MOCS1: variants seen among roughly 807,000 people sequenced by gnomAD.
The protein encoded by MOCS1 is molybdenum cofactor synthesis 1.
MOCS1 carries 39 observed loss-of-function variants against 57.6 expected under a neutral mutation model. The ratio of observed to expected loss-of-function variants is 0.68; its 90% CI spans 0.52 to 0.88. MOCS1 has a LOEUF of 0.88. Ranked by LOEUF, MOCS1 falls within the 40% of genes least tolerant of loss-of-function variation. The probability of loss-of-function intolerance (pLI) is 0.00; values close to 1 mark genes in which losing one functional copy is unlikely to be tolerated. For missense variants in MOCS1, 795 were observed against 831.1 expected (o/e 0.96, Z 0.53); for synonymous variants, 334 against 335.7 (o/e 1.00, Z 0.05).
rs1228834062 is a variant in MOCS1 at position 39,906,367 on chromosome 6, T to C, written c.1901A>G (p.His634Arg). 2 of 1,596,530 alleles carry C rather than the reference T, an allele frequency of 1.3e-6. No individual in the cohort carries two copies. Among genetic ancestry groups the C allele is most frequent in the East Asian group, 4.5e-5 (2 of 44,490 alleles). ...TGAGAAGGGCAGGTGCTAAGCCCGA[T>C]GGAAGTCCCCCCGCTGACCACCAGT... Reference protein sequence around the residue: ...SKTGGQRGDFHRA With the variant: ...SKTGGQRGDFRRA The change falls in exon 11 of 11, where the codon CAT becomes CGT. Residue 634 changes from histidine to arginine, a missense_variant. Physicochemically the swap from His to Arg is conservative, Grantham distance 29. Around this residue, in one of 3 missense-constraint regions of MOCS1, gnomAD observed 374 missense variants for 422.6 expected, o/e 0.89. Coordinates refer to ENST00000340692, the MANE Select transcript of MOCS1 (RefSeq NM_001358530.2).
chr6:39,933,972 G>A (rs1415851154), intron 1 of MOCS1, among the ~76,000 whole-genome samples: 2 of 152,042 alleles, frequency 1.3e-5, no homozygotes, highest in Admixed American at 6.6e-5. Flanking sequence ...GCAAGGCAAG[G>A]CTGAAAGGTA....
At chr6:39,932,736 T>G (rs1231740610) in intron 1 of MOCS1, among the ~76,000 whole-genome samples, 1 of 152,262 alleles carries the variant, frequency 6.6e-6, no homozygotes, top group Non-Finnish European at 1.5e-5. Flanking sequence ...AGTGGCAGCA[T>G]GGATAATAGT....
chr6:39,921,757 A>T (rs1582826316), intron 3 of MOCS1, among the ~76,000 whole-genome samples: 1 of 152,162 alleles, frequency 6.6e-6, no homozygotes, highest in Non-Finnish European at 1.5e-5. Flanking sequence ...GGAAAGGAAG[A>T]AGCTGCCGCA....
At chr6:39,928,756 G>A (rs1478616045) in intron 1 of MOCS1, among the ~76,000 whole-genome samples, 1 of 152,194 alleles carries the variant, frequency 6.6e-6, no homozygotes, top group African/African-American at 2.4e-5. Context: ...TGTCTTGCTA[G>A]GAGTAAAGAC....
intron 3 of MOCS1, among the ~76,000 whole-genome samples, chr6:39,921,218 T>C (rs1401040215): frequency 1.3e-5 from 2 of 151,416 alleles, no homozygotes; most frequent in Non-Finnish European, 2.9e-5. Flanking sequence ...GCTAACACAG[T>C]GAAACCCCGC....
chr6:39,927,572 T>C (rs747670935), intron 1 of MOCS1, 117 bp from the exon 2 acceptor site: 6 of 1,609,252 alleles, frequency 3.7e-6, no homozygotes, highest in Non-Finnish European at 5.1e-6. Context: ...TTCCAACTCT[T>C]CCACATGTTT....
rs760004694 is a variant in MOCS1, at chr6:39,927,502, T to C, written c.124-47A>G. ...GAAGCATGGGCCCCTGCTACCGGGC[T>C]GGGAAGAGGCACAAGGAGAACCGCC... On this transcript the variant is annotated intron_variant, in intron 1 of 10. Transcript: ENST00000340692. The C allele has an allele frequency of 4.3e-6, 7 of 1,610,264 alleles. No homozygotes were observed. Among genetic ancestry groups the C allele is most frequent in the Non-Finnish European group, 5.1e-6 (6 of 1,178,494 alleles).
intron 8 of MOCS1, among the ~76,000 whole-genome samples, chr6:39,910,830 C>T (rs1216223075): frequency 3.3e-5 from 5 of 152,168 alleles, no homozygotes; most frequent in South Asian, 2.1e-4. Flanking sequence ...CCTCCCCTCC[C>T]GCCCCCCAGC....
chr6:39,927,730 G>A, intron 1 of MOCS1: 1 of 1,524,208 alleles, frequency 6.6e-7, no homozygotes, highest in Non-Finnish European at 8.8e-7. Context: ...GCAGCAAGGT[G>A]GAGGCAAGGG....
chr6:39,924,750 GTTA>G (rs1481452803), intron 3 of MOCS1, among the ~76,000 whole-genome samples: 2 of 152,188 alleles, frequency 1.3e-5, no homozygotes, highest in African/African-American at 2.4e-5. Context: ...GGTAGAAAAT[GTTA>G]TTATTTTATT....
intron 3 of MOCS1, among the ~76,000 whole-genome samples, chr6:39,920,174 T>G (rs1168727517): frequency 6.6e-6 from 1 of 152,194 alleles, no homozygotes; most frequent in Non-Finnish European, 1.5e-5. Flanking sequence ...AATTAACATG[T>G]GAAGAGATGC....
Position 39,913,017 on chromosome 6 carries a change from T to A in MOCS1, c.758-13A>T, listed in dbSNP as rs748010618. On this transcript the variant is annotated splice_polypyrimidine_tract_variant and intron_variant, in intron 6 of 10. Transcript: ENST00000340692. The stretch of plus-strand genomic sequence containing the variant: ...TTCCACTTGTTGCCTGTATTCGGGA[T>A]GGGGGAAGGCAAGGGGAGCTTCTGA... 5 of 1,610,364 alleles carry A rather than the reference T, an allele frequency of 3.1e-6. No homozygotes were observed. In the South Asian group the frequency reaches 4.4e-5, roughly 14 times the overall value.
At chr6:39,928,537 G>A (rs893711698) in intron 1 of MOCS1, among the ~76,000 whole-genome samples, 3 of 152,168 alleles carry the variant, frequency 2.0e-5, no homozygotes, top group Non-Finnish European at 4.4e-5. Flanking sequence ...GACAACTAGG[G>A]TGGGTAGAAG....
chr6:39,927,951 G>A (rs1024340684), intron 1 of MOCS1, among the ~76,000 whole-genome samples: 7 of 151,968 alleles, frequency 4.6e-5, no homozygotes, highest in Admixed American at 1.3e-4. Context: ...CTGACCTATC[G>A]GTCCTTGGAG....
chr6:39,928,026 G>C lies in MOCS1; in HGVS notation c.124-571C>G, dbSNP rs1264911958. Among the ~76,000 whole-genome samples the C allele has an allele frequency of 5.9e-4, 89 of 152,082 alleles. 1 individual carries two copies. Among genetic ancestry groups the C allele is most frequent in the Non-Finnish European group, 2.9e-5 (2 of 68,032 alleles). ...GCTCCAAGGAAGTAGCATTTACCAA[G>C]CATCTTAAAGTTTCCAAAGAACGTT... is the stretch of plus-strand genomic sequence containing the variant. On this transcript the variant is annotated intron_variant, in intron 1 of 10. Coordinates refer to ENST00000340692, the MANE Select transcript of MOCS1 (RefSeq NM_001358530.2).
At chr6:39,927,577 A>G (rs773033690) in intron 1 of MOCS1, 122 bp from the exon 2 acceptor site, 10 of 1,608,510 alleles carry the variant, frequency 6.2e-6, no homozygotes, top group South Asian at 1.1e-5. Context: ...ACTCTTCCAC[A>G]TGTTTGGGCT....
rs549762484 is a variant in MOCS1 at position 39,905,142 on chromosome 6, C to CAA, written c.*1213_*1214dup. ...CAGGCAGGGGGCACCACTGAGGACT[C>CAA]AAAGACATCCAAGTTAGAGAGCCCA... On this transcript the variant is annotated 3_prime_UTR_variant, in exon 11 of 11. Transcript: ENST00000340692. 87 of 454,428 alleles carry CAA rather than the reference C, an allele frequency of 1.9e-4. No individual in the cohort carries two copies. Among genetic ancestry groups the CAA allele is most frequent in the African/African-American group, 1.5e-3 (75 of 50,120 alleles). 28.1% of individuals were successfully genotyped at this position (454,428 alleles called of 1,614,324 possible).
In MOCS1 at chr6:39,934,259, C is replaced by T. The variant is rs1381435453; in HGVS notation, c.123+36G>A. The T allele has an allele frequency of 7.9e-6, 12 of 1,514,692 alleles. No homozygotes were observed. In the South Asian group the frequency reaches 1.5e-4, roughly 19 times the overall value. 93.8% of individuals were successfully genotyped at this position (1,514,692 alleles called of 1,614,324 possible). A position where few individuals can be genotyped will look rare whatever the true frequency, so the allele number is the denominator to read the frequency against. ...GGCAGTGTGCCGGGGCCACTCCTGC[C>T]CCGGGAAGCTGTGGACGCAGGCGGG... On this transcript the variant is annotated intron_variant, in intron 1 of 10. Coordinates refer to ENST00000340692, the MANE Select transcript of MOCS1 (RefSeq NM_001358530.2).
At chr6:39,928,688 A>T (rs1035733900) in intron 1 of MOCS1, among the ~76,000 whole-genome samples, 2 of 152,196 alleles carry the variant, frequency 1.3e-5, no homozygotes, top group African/African-American at 2.4e-5. Flanking sequence ...AAAGTCCCTT[A>T]ACTTCTCCAG....
Sources: gnomAD v4.1 joint callset for allele counts (sites outside exome capture counted in the v4.1 genomes callset) on GRCh38, gnomAD v4.1.1 for gene constraint, gnomAD v4.1.1 regional missense constraint, MANE v1.5 for transcripts, NCBI Gene and HGNC (gene_info 2026-07-23, HGNC 2026-07-21) for gene names.